GRIA3: variants seen among roughly 807,000 people sequenced by gnomAD.
The protein encoded by GRIA3 is glutamate receptor 3.
A neutral mutation model predicts 63.0 loss-of-function variants in GRIA3; 3 were observed. That is an observed-to-expected ratio of 0.05 (90% confidence interval 0.02 to 0.12). The LOEUF is 0.12. Among genes scored for constraint, GRIA3 ranks in the 10% least tolerant of loss-of-function variants. GRIA3 has a pLI of 1.00. For missense variants in GRIA3, 347 were observed against 700.9 expected, an observed-to-expected ratio of 0.50 and a Z score of 5.70; for synonymous variants, 274 against 257.9, an observed-to-expected ratio of 1.06 and a Z score of -0.60.
rs745873343 is a variant in GRIA3, at chrX:123,184,546, A to T, written c.11A>T (p.Gln4Leu). ...CGTTTTAGGCGTAGCATGGCCAGGCAGAAGAAAATGGGGCAAAGCGTGCTC... is the reference window on the plus strand; with the variant it reads ...CGTTTTAGGCGTAGCATGGCCAGGCTGAAGAAAATGGGGCAAAGCGTGCTC... MAR[Q>L]KKMGQSVLRA... Residue 4 changes from glutamine (Q) to leucine (L), a missense_variant, in exon 1 of 16, where the codon CAG (glutamine) becomes CTG (leucine). Transcript: ENST00000620443. 1.7e-6 allele frequency: 2 copies of T among 1,205,437 alleles called. No homozygotes were observed. Among genetic ancestry groups the T allele is most frequent in the African/African-American group, 3.5e-5 (2 of 56,646 alleles).
chrX:123,245,983 G>A (rs1031661585), intron 2 of GRIA3, among the ~76,000 whole-genome samples: 1 of 111,105 alleles, frequency 9.0e-6, no homozygotes, highest in Non-Finnish European at 1.9e-5. Context: ...ATTTAAGGAC[G>A]AGCTCCCTAG....
chrX:123,420,708 G>A (rs79205308), intron 11 of GRIA3, among the ~76,000 whole-genome samples: 6,808 of 110,593 alleles, frequency 0.062, 220 homozygotes, highest in Non-Finnish European at 0.098. Flanking sequence ...CTCATTTTTA[G>A]AAGAATTTAT....
At position 123,489,082 on chromosome X, in the gene GRIA3, T is replaced by TACACACACACACACACAC. The variant is rs34745333; in HGVS notation, c.*390_*407dup. 1.7e-3 allele frequency: 157 copies of TACACACACACACACACAC among 94,190 alleles called. 2 individuals carry two copies. Among genetic ancestry groups the TACACACACACACACACAC allele is most frequent in the African/African-American group, 5.7e-3 (149 of 26,070 alleles). The allele number at this position is 94,190 out of a possible 1,213,427, so 7.8% of individuals were successfully genotyped here. ...AGTATATAAACACCATGTTCTTTAA[T>TACACACACACACACACAC]ACACACACACACACACACACACACA... On this transcript the variant is annotated 3_prime_UTR_variant, in exon 16 of 16. Transcript: ENST00000620443.
chrX:123,481,881 A>AT (rs1221183374), intron 14 of GRIA3, among the ~76,000 whole-genome samples: 2 of 111,505 alleles, frequency 1.8e-5, no homozygotes, highest in Admixed American at 9.5e-5. Context: ...GGCTTCCTCA[A>AT]TTTTTCCCCC....
intron 3 of GRIA3, among the ~76,000 whole-genome samples, chrX:123,283,818 A>G (rs1227480665): frequency 3.5e-5 from 4 of 112,745 alleles, no homozygotes; most frequent in Non-Finnish European, 5.6e-5. Context: ...CTGTGGGCAC[A>G]GCTTCAGTAG....
chrX:123,361,138 A>G (rs1416236688), intron 5 of GRIA3: 2 of 111,189 alleles, frequency 1.8e-5, no homozygotes, highest in African/African-American at 6.6e-5. Context: ...TACTTGAAAA[A>G]CAGAAGGGCC....
chrX:123,353,718 T>C (rs1019822999), intron 4 of GRIA3, among the ~76,000 whole-genome samples: 1 of 111,357 alleles, frequency 9.0e-6, no homozygotes, highest in Non-Finnish European at 1.9e-5. Flanking sequence ...ACATTCATAA[T>C]TTTATATTTT....
chrX:123,349,616 C>A (rs1340838062), intron 4 of GRIA3, among the ~76,000 whole-genome samples: 1 of 112,500 alleles, frequency 8.9e-6, no homozygotes, highest in Non-Finnish European at 1.9e-5. Flanking sequence ...TTCAGCCTGT[C>A]TTTCTCCATC....
chrX:123,440,584 A>G (rs2045668777), intron 12 of GRIA3, among the ~76,000 whole-genome samples: 1 of 112,655 alleles, frequency 8.9e-6, no homozygotes, highest in African/African-American at 3.2e-5. Flanking sequence ...TGTTGGCCGC[A>G]TATATGTCTT....
At chrX:123,330,576 A>T (rs1285602113) in intron 4 of GRIA3, among the ~76,000 whole-genome samples, 4 of 112,223 alleles carry the variant, frequency 3.6e-5, no homozygotes. Context: ...GGGGCCTGTG[A>T]GGAAAGGCTA....
In GRIA3 at chrX:123,478,812, C is replaced by G. The variant is rs139414093; in HGVS notation, c.2325-1251C>G. ...TTAGTGACATTCAGACCAACATGCA[C>G]TAATATTTGGCAATATTGCTCCCAT... On this transcript the variant is annotated intron_variant, in intron 13 of 15. Transcript: ENST00000620443. 1.5e-3 allele frequency among the ~76,000 whole-genome samples: 171 copies of G among 112,758 alleles called. 1 individual carries two copies. Among genetic ancestry groups the G allele is most frequent in the African/African-American group, 5.3e-3 (166 of 31,075 alleles).
intron 13 of GRIA3, among the ~76,000 whole-genome samples, chrX:123,478,600 A>ATGTT (rs1373451905): frequency 3.6e-5 from 4 of 112,361 alleles, no homozygotes; most frequent in Non-Finnish European, 7.5e-5. Context: ...TCTGTTTTAA[A>ATGTT]CAGCAAATGA....
chrX:123,445,398 C>A (rs761107318), intron 12 of GRIA3, among the ~76,000 whole-genome samples: 1 of 111,862 alleles, frequency 8.9e-6, no homozygotes, highest in Non-Finnish European at 1.9e-5. Flanking sequence ...CTTGCTATTA[C>A]CATGGATACC....
chrX:123,354,534 T>G (rs1361733029), intron 4 of GRIA3, among the ~76,000 whole-genome samples: 5 of 111,657 alleles, frequency 4.5e-5, no homozygotes, highest in African/African-American at 6.5e-5. Context: ...AAAAATACTG[T>G]ACATTCTATT....
At chrX:123,303,156 T>C (rs910490897) in intron 3 of GRIA3, among the ~76,000 whole-genome samples, 2 of 111,265 alleles carry the variant, frequency 1.8e-5, no homozygotes, top group Non-Finnish European at 3.8e-5. Context: ...TCCAAGCTCC[T>C]GATCAATCAC....
intron 3 of GRIA3, among the ~76,000 whole-genome samples, chrX:123,303,194 G>A (rs975475463): frequency 6.3e-5 from 7 of 110,861 alleles, no homozygotes; most frequent in African/African-American, 2.3e-4. Flanking sequence ...TCAGTAGTGG[G>A]AAAAATCTAG....
chrX:123,271,658 T>C (rs1321968160), intron 3 of GRIA3, among the ~76,000 whole-genome samples: 1 of 112,401 alleles, frequency 8.9e-6, no homozygotes, highest in Non-Finnish European at 1.9e-5. Flanking sequence ...CGAGCATTCA[T>C]GTGCCATGCT....
intron 3 of GRIA3, among the ~76,000 whole-genome samples, chrX:123,290,060 T>G (rs986830007): frequency 9.0e-6 from 1 of 110,797 alleles, no homozygotes; most frequent in African/African-American, 3.3e-5. Flanking sequence ...CATTAAGATA[T>G]AGGAGAAAAA....
chrX:123,287,938 A>C (rs1028252531), intron 3 of GRIA3, among the ~76,000 whole-genome samples: 2 of 112,204 alleles, frequency 1.8e-5, no homozygotes, highest in African/African-American at 6.5e-5. Context: ...AAGGGACCAA[A>C]AAAGAGCCCA....
Sources: gnomAD v4.1 joint callset for allele counts (sites outside exome capture counted in the v4.1 genomes callset) on GRCh38, gnomAD v4.1.1 for gene constraint, MANE v1.5 for transcripts, NCBI Gene and HGNC (gene_info 2026-07-23, HGNC 2026-07-21) for gene names.